Variants in EXTL3 observed in about 807,000 individuals in gnomAD.
EXTL3 encodes exostosin like glycosyltransferase 3, also known as exostosin-like 3.
EXTL3 carries 27 observed loss-of-function variants against 69.3 expected under a neutral mutation model. That is an observed-to-expected ratio of 0.39 (90% CI 0.29 to 0.54). The LOEUF (loss-of-function observed/expected upper bound fraction) is 0.54. Ranked by LOEUF, EXTL3 falls within the 20% of genes least tolerant of loss-of-function variation. The pLI is 0.69. For synonymous variants in EXTL3, 511 were observed against 499.4 expected (o/e 1.02, Z -0.31); for missense variants, 1,003 against 1,231.8 (o/e 0.81, Z 2.78).
chr8:28,697,435 C>G (rs575778538), upstream of EXTL3: 29 of 152,278 alleles, frequency 1.9e-4, no homozygotes, highest in Middle Eastern at 3.4e-3. Context: ...GATGCTCGGT[C>G]CTTGTGATTG....
chr8:28,640,655 T>C (rs754442886), intron 1 of EXTL3, among the ~76,000 whole-genome samples: 1 of 152,214 alleles, frequency 6.6e-6, no homozygotes, highest in Non-Finnish European at 1.5e-5. Context: ...TAGGCTGGAG[T>C]GGAGTGGTGC....
In EXTL3 at chr8:28,623,672, T is replaced by A. The variant is rs370272894; in HGVS notation, c.-53+862T>A. On this transcript the variant is annotated intron_variant, in intron 1 of 6. Coordinates refer to the EXTL3 transcript ENST00000523149. The surrounding 1 kb of genome is among the most constrained non-coding windows in gnomAD (Gnocchi z 4.2). ...CTTATCCCCCATGTAACATAATTCATGTTTTTAAAGATATGTTTTTATTTA... is the reference window on the plus strand; with the variant it reads ...CTTATCCCCCATGTAACATAATTCAAGTTTTTAAAGATATGTTTTTATTTA... Among the ~76,000 whole-genome samples, 1 of 152,260 alleles carries A rather than the reference T, an allele frequency of 6.6e-6. No individual in the cohort carries two copies. The highest frequency in any genetic ancestry group is 1.9e-4 in the East Asian group (1 of 5,202).
chr8:28,676,837 G>A (rs913393783), intron 1 of EXTL3, among the ~76,000 whole-genome samples: 2 of 152,194 alleles, frequency 1.3e-5, no homozygotes, highest in Admixed American at 1.3e-4. Context: ...TGGAGAGTGT[G>A]TTGAAACAGA....
intron 6 of EXTL3, among the ~76,000 whole-genome samples, chr8:28,745,599 C>A (rs907474476): frequency 1.1e-4 from 16 of 152,120 alleles, no homozygotes; most frequent in Non-Finnish European, 1.9e-4. Context: ...TAGCCAGGGA[C>A]TGGACTTGAG....
intron 1 of EXTL3, among the ~76,000 whole-genome samples, chr8:28,648,958 A>G (rs929990774): frequency 2.0e-5 from 3 of 151,986 alleles, no homozygotes; most frequent in Non-Finnish European, 4.4e-5. Context: ...CAGTGGTGCA[A>G]TCTCGGCTCA....
chr8:28,655,305 T>A (rs1399305858), intron 1 of EXTL3, among the ~76,000 whole-genome samples: 1 of 151,830 alleles, frequency 6.6e-6, no homozygotes, highest in Non-Finnish European at 1.5e-5. Context: ...AGAAAAAAAA[T>A]TCTGCAAGAC....
intron 6 of EXTL3, among the ~76,000 whole-genome samples, chr8:28,745,292 A>G (rs1012573890): frequency 6.6e-6 from 1 of 152,270 alleles, no homozygotes; most frequent in African/African-American, 2.4e-5. Context: ...GTGGAGGCCA[A>G]CTGTGGCCCC....
At chr8:28,690,460 G>GGGTGGTGGT (rs753808506) in intron 1 of EXTL3, among the ~76,000 whole-genome samples, 1 of 151,898 alleles carries the variant, frequency 6.6e-6, no homozygotes, top group African/African-American at 2.4e-5. Flanking sequence ...TGTTTTTTCT[G>GGGTGGTGGT]GGTGGTGGTG....
chr8:28,608,532 A>G (rs1401724828), intron 2 of EXTL3, among the ~76,000 whole-genome samples: 9 of 152,100 alleles, frequency 5.9e-5, no homozygotes, highest in African/African-American at 1.9e-4. Flanking sequence ...TGTCTCATAG[A>G]ACTTCCCTTC....
intron 1 of EXTL3, among the ~76,000 whole-genome samples, chr8:28,706,308 T>C (rs1208190473): frequency 6.6e-6 from 1 of 152,230 alleles, no homozygotes; most frequent in African/African-American, 2.4e-5. Context: ...CAAATTACTT[T>C]TCAGTTTACC....
chr8:28,747,367 C>T (rs1801908764), intron 6 of EXTL3, among the ~76,000 whole-genome samples: 1 of 152,168 alleles, frequency 6.6e-6, no homozygotes, highest in African/African-American at 2.4e-5. Flanking sequence ...TCATGACTGT[C>T]CAGAGACTCG....
intron 1 of EXTL3, among the ~76,000 whole-genome samples, chr8:28,625,094 C>T (rs1272810382): frequency 6.6e-6 from 1 of 152,164 alleles, no homozygotes. Flanking sequence ...AGTTACAGAC[C>T]GGCACTTAGA....
At position 28,717,408 on chromosome 8, in the gene EXTL3, G is replaced by A. The variant is rs761206555; in HGVS notation, c.1349G>A (p.Arg450Gln). ...GTTATTTCCTCTGGGTGTGCAACACGGCTCTTCGAAGCCCTGGAAGTCGGT... is the reference window on the plus strand; with the variant it reads ...GTTATTTCCTCTGGGTGTGCAACACAGCTCTTCGAAGCCCTGGAAGTCGGT... ...RLVISSGCATRLFEALEVGAV... is the reference protein window; with the variant it reads ...RLVISSGCATQLFEALEVGAV... Residue 450 changes from arginine (R) to glutamine (Q), a missense_variant, in exon 3 of 7, where the codon CGG becomes CAG. Arg to Gln is a conservative substitution (Grantham distance 43, BLOSUM62 1). This residue lies in a region of EXTL3 where 742 missense variants were observed against 815.4 expected (regional missense o/e 0.91). Coordinates refer to ENST00000220562, the MANE Select transcript of EXTL3 (RefSeq NM_001440.4). This position sits in a 1 kb window ranked among gnomAD's most constrained non-coding sequence, Gnocchi z 8.3. The A allele has an allele frequency of 1.9e-6, 3 of 1,614,174 alleles. No individual in the cohort carries two copies. The highest frequency in any genetic ancestry group is 1.7e-6 in the Non-Finnish European group (2 of 1,180,030).
At chr8:28,755,806 G>C (rs971846040), downstream of EXTL3, among the ~76,000 whole-genome samples, 2 of 151,928 alleles carry the variant, frequency 1.3e-5, no homozygotes, top group African/African-American at 4.8e-5. Context: ...TGTTAGCATT[G>C]AAACTACTTA....
Position 28,737,661 on chromosome 8 carries a change from A to G in EXTL3, c.2419A>G (p.Lys807Glu). Residue 807 changes from lysine to glutamate, a missense_variant and splice_region_variant, in exon 5 of 7, where the codon AAG becomes GAG. Coordinates refer to ENST00000220562, the MANE Select transcript of EXTL3 (RefSeq NM_001440.4). ...GCTGACAGGTGCTGCCTTCTTTCAC[A>G]AGGTAAGAAAAAGCTGGTAATAATG... Reference protein sequence around the residue: ...MVLTGAAFFHKYYAYLYSYVM... With the variant: ...MVLTGAAFFHEYYAYLYSYVM... 1 of 1,614,122 alleles carries G rather than the reference A, an allele frequency of 6.2e-7. No individual in the cohort carries two copies.
intron 1 of EXTL3, among the ~76,000 whole-genome samples, chr8:28,625,879 G>A (rs1267991651): frequency 1.3e-5 from 2 of 151,778 alleles, no homozygotes; most frequent in African/African-American, 2.4e-5. Flanking sequence ...TGGAGGTAAA[G>A]GCCAGGCACG....
intron 1 of EXTL3, among the ~76,000 whole-genome samples, chr8:28,703,261 T>C (rs1306749528): frequency 6.6e-6 from 1 of 152,168 alleles, no homozygotes; most frequent in East Asian, 1.9e-4. Context: ...AAAAAATGAT[T>C]GACAGGCGTA....
At chr8:28,654,345 T>C (rs1806972027) in intron 1 of EXTL3, among the ~76,000 whole-genome samples, 2 of 152,224 alleles carry the variant, frequency 1.3e-5, no homozygotes, top group Admixed American at 1.3e-4. Context: ...TACTCTGTGC[T>C]GAATGGTTTT....
At chr8:28,659,521 G>A (rs1290690927) in intron 1 of EXTL3, among the ~76,000 whole-genome samples, 2 of 152,102 alleles carry the variant, frequency 1.3e-5, no homozygotes, top group African/African-American at 4.8e-5. Flanking sequence ...CCTTGTTTCA[G>A]GTAGTTATGG....
Sources: allele counts gnomAD v4.1 joint callset (sites outside exome capture counted in the v4.1 genomes callset), GRCh38; gene constraint gnomAD v4.1.1; regional missense constraint gnomAD v4.1.1; non-coding constraint Gnocchi (gnomAD v3.1); transcripts MANE v1.5; gene names NCBI Gene and HGNC (gene_info 2026-07-23, HGNC 2026-07-21).